GPSM2: variants seen among roughly 807,000 people sequenced by gnomAD.
The protein encoded by GPSM2 is G protein signaling modulator 2, also known as G protein-signaling modulator 2.
In GPSM2, 58 loss-of-function variants were observed where a neutral mutation model predicts 78.4. The observed-to-expected ratio is 0.74, with a 90% CI of 0.60 to 0.92. The LOEUF (loss-of-function observed/expected upper bound fraction) is 0.92. Ranked by LOEUF, GPSM2 falls within the 40% of genes least tolerant of loss-of-function variation. The pLI, the probability that GPSM2 is intolerant of heterozygous loss-of-function variation, is 0.00. For synonymous variants in GPSM2, 224 were observed against 280.2 expected (o/e 0.80, Z 2.00); for missense variants, 700 against 815.5 (o/e 0.86, Z 1.73).
intron 14 of GPSM2, among the ~76,000 whole-genome samples, chr1:108,924,789 A>G (rs890407387): frequency 3.3e-5 from 5 of 152,002 alleles, no homozygotes; most frequent in Non-Finnish European, 7.4e-5. Flanking sequence ...CAAAATGAGG[A>G]TGGAGAAGTA....
chr1:108,924,618 C>T (rs572471563), intron 14 of GPSM2, among the ~76,000 whole-genome samples: 2 of 152,108 alleles, frequency 1.3e-5, no homozygotes, highest in Non-Finnish European at 2.9e-5. Flanking sequence ...GTCATTTGAA[C>T]AGAGACCTGA....
intron 1 of GPSM2, among the ~76,000 whole-genome samples, chr1:108,882,071 C>G (rs1391737659): frequency 6.6e-6 from 1 of 152,172 alleles, no homozygotes; most frequent in Non-Finnish European, 1.5e-5. Context: ...CCTGCCTCAT[C>G]CTCCCAAGTA....
intron 2 of GPSM2, among the ~76,000 whole-genome samples, chr1:108,890,794 C>A (rs1647911492): frequency 6.6e-6 from 1 of 152,050 alleles, no homozygotes; most frequent in Admixed American, 6.6e-5. Flanking sequence ...CACTAAGTAA[C>A]CTCCTAAGGG....
intron 1 of GPSM2, among the ~76,000 whole-genome samples, chr1:108,878,594 A>C (rs963421307): frequency 6.6e-6 from 1 of 152,338 alleles, no homozygotes; most frequent in South Asian, 2.1e-4. Context: ...CATAAACATA[A>C]AATATTTCTA....
chr1:108,886,644 T>C (rs1312239350), intron 2 of GPSM2, among the ~76,000 whole-genome samples: 1 of 152,198 alleles, frequency 6.6e-6, no homozygotes, highest in Non-Finnish European at 1.5e-5. Flanking sequence ...TACAACACAC[T>C]CCCTTTGGCT....
In GPSM2 at chr1:108,930,045, T is replaced by G; in HGVS notation, c.*105T>G. ...TAGCACTGTAATACAGCTTAAAATA[T>G]TTTTAGAATGATGTAAATAGTTAAC... is the stretch of plus-strand genomic sequence containing the variant. On this transcript the variant is annotated 3_prime_UTR_variant, in exon 15 of 15. Coordinates refer to ENST00000264126, the MANE Select transcript of GPSM2 (RefSeq NM_013296.5). 9.8e-7 allele frequency: 1 copy of G among 1,018,058 alleles called. No individual in the cohort carries two copies. Among genetic ancestry groups the G allele is most frequent in the Non-Finnish European group, 1.5e-6 (1 of 677,742 alleles). 63.1% of individuals were successfully genotyped at this position (1,018,058 alleles called of 1,614,324 possible).
rs767643228 is a variant in GPSM2, at chr1:108,898,058, G to A, written c.514G>A (p.Glu172Lys). 30 of 1,613,416 alleles carry A rather than the reference G, an allele frequency of 1.9e-5. No individual in the cohort carries two copies. The highest frequency in any genetic ancestry group is 2.2e-5 in the Non-Finnish European group (26 of 1,179,876). ...TCCCCAGGATGTAGGAGAATTTCCA[G>A]AAGAAGTGAGAGATGCTCTGCAGGC... Reference protein sequence around the residue: ...PGPQDVGEFPEEVRDALQAAV... With the variant: ...PGPQDVGEFPKEVRDALQAAV... Residue 172 changes from glutamate (E) to lysine (K), a missense_variant, in exon 5 of 15, where the codon GAA (glutamate) becomes AAA (lysine). By Grantham distance (56) the Glu-to-Lys change is moderately conservative. Transcript: ENST00000264126.
chr1:108,918,782 C>A lies in GPSM2; in HGVS notation c.1433C>A (p.Ser478Tyr), dbSNP rs377461910. ...SNSIDHRIPN[S>Y]QRKISADTIG... Reference sequence around the variant, plus strand: ...TCTATTGACCACCGAATTCCAAATTCTCAGAGGGTACGTTTAAACTAAGTT... The same window carrying A: ...TCTATTGACCACCGAATTCCAAATTATCAGAGGGTACGTTTAAACTAAGTT... The change falls in exon 12 of 15, where the codon TCT becomes TAT. Residue 478 changes from serine to tyrosine, a missense_variant. By Grantham distance (144) the Ser-to-Tyr change is moderately radical. Coordinates refer to ENST00000264126, the MANE Select transcript of GPSM2 (RefSeq NM_013296.5). 1.9e-6 allele frequency: 3 copies of A among 1,610,362 alleles called. No individual in the cohort carries two copies. In the African/African-American group the frequency reaches 4.0e-5, roughly 22 times the overall value.
rs1311556223 is a variant in GPSM2, at chr1:108,930,232, T to C, written c.*292T>C. Reference sequence around the variant, plus strand: ...AGTGTTTATAAAGTAGGAAGTTAAGTGAATCATAGATTAGAATTTAATACT... The same window carrying C: ...AGTGTTTATAAAGTAGGAAGTTAAGCGAATCATAGATTAGAATTTAATACT... On this transcript the variant is annotated 3_prime_UTR_variant, in exon 15 of 15. Coordinates refer to ENST00000264126, the MANE Select transcript of GPSM2 (RefSeq NM_013296.5). 6.4e-6 allele frequency: 2 copies of C among 313,018 alleles called. No individual in the cohort carries two copies. The highest frequency in any genetic ancestry group is 1.2e-5 in the Non-Finnish European group (2 of 170,534). The allele number at this position is 313,018 out of a possible 1,614,324, so 19.4% of individuals were successfully genotyped here. A position where few individuals can be genotyped will look rare whatever the true frequency, so the allele number is the denominator to read the frequency against.
At chr1:108,901,354 C>T (rs961753922) in intron 7 of GPSM2, among the ~76,000 whole-genome samples, 2 of 152,152 alleles carry the variant, frequency 1.3e-5, no homozygotes, top group African/African-American at 4.8e-5. Flanking sequence ...GACTAATAGC[C>T]TACACATAAG....
rs1204893381 is a variant in GPSM2, at chr1:108,923,987, C to T, written c.1601-13C>T. On this transcript the variant is annotated splice_polypyrimidine_tract_variant and intron_variant, in intron 13 of 14. Coordinates refer to ENST00000264126, the MANE Select transcript of GPSM2 (RefSeq NM_013296.5). ...TTTTTTTTTAATCTTTGGCTTTCTT[C>T]TTCTGTTCTTAGCATCATCTGTTCC... is the stretch of plus-strand genomic sequence containing the variant. The T allele has an allele frequency of 3.2e-6, 5 of 1,544,994 alleles. No homozygotes were observed. The highest frequency in any genetic ancestry group is 4.5e-6 in the Non-Finnish European group (5 of 1,117,204).
chr1:108,882,936 C>T (rs1363914588), intron 1 of GPSM2, among the ~76,000 whole-genome samples: 3 of 152,166 alleles, frequency 2.0e-5, no homozygotes, highest in African/African-American at 7.2e-5. Flanking sequence ...CGTGCTGTGG[C>T]ATGCACCTGT....
chr1:108,919,722 G>C (rs1048762821), intron 12 of GPSM2, among the ~76,000 whole-genome samples: 2 of 151,594 alleles, frequency 1.3e-5, no homozygotes, highest in Admixed American at 6.6e-5. Context: ...AGAGAAAAAT[G>C]ATCATAACAA....
At position 108,933,418 on chromosome 1, in the gene GPSM2, T is replaced by C. The variant is rs1458420368; in HGVS notation, c.*3478T>C. 2 of 131,182 alleles carry C rather than the reference T, an allele frequency of 1.5e-5. No homozygotes were observed. Among genetic ancestry groups the C allele is most frequent in the African/African-American group, 5.9e-5 (2 of 34,074 alleles). 8.1% of individuals were successfully genotyped at this position (131,182 alleles called of 1,614,324 possible). ...TCAACCTTCCAAAGTGCTAGGACTG[T>C]AGGCATGAGCCACTGCACCTGGCCT... On this transcript the variant is annotated 3_prime_UTR_variant, in exon 15 of 15. Transcript: ENST00000264126.
chr1:108,894,211 G>T (rs1648187576), intron 2 of GPSM2, among the ~76,000 whole-genome samples: 1 of 151,846 alleles, frequency 6.6e-6, no homozygotes, highest in South Asian at 2.1e-4. Flanking sequence ...TTCATTTTTG[G>T]AAGGCAAAAA....
rs748086914 is a variant in GPSM2, at chr1:108,897,474, GT to G, written c.279-12del. 4.1e-5 allele frequency: 66 copies of G among 1,591,510 alleles called. No homozygotes were observed. Among genetic ancestry groups the G allele is most frequent in the African/African-American group, 2.7e-5 (2 of 73,942 alleles). On this transcript the variant is annotated splice_polypyrimidine_tract_variant and intron_variant, in intron 3 of 14. Coordinates refer to ENST00000264126, the MANE Select transcript of GPSM2 (RefSeq NM_013296.5). ...AATACCATTTGGTTTTTTGTTTTTT[GT>G]TTTTTGTTTTTTTCAGGACTATTGG...
chr1:108,923,708 ATATCT>A (rs576938907), intron 13 of GPSM2, among the ~76,000 whole-genome samples: 2 of 152,344 alleles, frequency 1.3e-5, no homozygotes, highest in African/African-American at 4.8e-5. Context: ...ATCTAGTCAC[ATATCT>A]TATAGTTACA....
chr1:108,889,239 G>C (rs961284361), intron 2 of GPSM2, among the ~76,000 whole-genome samples: 3 of 152,196 alleles, frequency 2.0e-5, no homozygotes, highest in Non-Finnish European at 4.4e-5. Context: ...TTTATAACCT[G>C]ATGTATCCAC....
chr1:108,926,848 A>G (rs1293260718), intron 14 of GPSM2: 1 of 152,212 alleles, frequency 6.6e-6, no homozygotes, highest in African/African-American at 2.4e-5. Flanking sequence ...CTTCTATTCA[A>G]TGTAGTACTA....
Sources: allele counts gnomAD v4.1 joint callset (sites outside exome capture counted in the v4.1 genomes callset), GRCh38; gene constraint gnomAD v4.1.1; transcripts MANE v1.5; gene names NCBI Gene and HGNC (gene_info 2026-07-23, HGNC 2026-07-21).